Variants in PPDPFL observed in about 807,000 individuals in gnomAD.
PPDPFL encodes the protein pancreatic progenitor cell differentiation and proliferation factor-like protein.
A neutral mutation model predicts 12.6 loss-of-function variants in PPDPFL; 12 were observed. The ratio of observed to expected loss-of-function variants is 0.95; its 90% CI spans 0.61 to 1.54. PPDPFL has a LOEUF of 1.54. PPDPFL is among the 40% of genes most tolerant of loss of function. The pLI, the probability that PPDPFL is intolerant of heterozygous loss-of-function variation, is 0.00. For missense variants in PPDPFL, 114 were observed against 96.0 expected (o/e 1.19, Z -0.78); for synonymous variants, 24 against 32.7 (o/e 0.73, Z 0.91).
upstream of PPDPFL, among the ~76,000 whole-genome samples, chr8:49,069,157 T>C (rs1267219091): frequency 6.6e-6 from 1 of 152,196 alleles, no homozygotes; most frequent in Non-Finnish European, 1.5e-5. Flanking sequence ...GACAATATTA[T>C]AATCGTGATT....
At chr8:49,068,643 G>A (rs1241276047), upstream of PPDPFL, among the ~76,000 whole-genome samples, 1 of 152,168 alleles carries the variant, frequency 6.6e-6, no homozygotes, top group Non-Finnish European at 1.5e-5. Context: ...ACATATGTAT[G>A]TATTTGTGTG....
intron 1 of PPDPFL, among the ~76,000 whole-genome samples, chr8:49,062,370 G>A (rs1358143134): frequency 6.6e-6 from 1 of 152,170 alleles, no homozygotes; most frequent in African/African-American, 2.4e-5. Flanking sequence ...AGAAATTCCT[G>A]AATTACTACA....
intron 1 of PPDPFL, among the ~76,000 whole-genome samples, chr8:49,061,925 C>T (rs892100552): frequency 3.9e-5 from 6 of 152,142 alleles, no homozygotes; most frequent in African/African-American, 1.4e-4. Context: ...ACAAGATTGT[C>T]CCAAACCTTC....
chr8:49,054,601 T>C (rs981732469), intron 1 of PPDPFL, among the ~76,000 whole-genome samples: 1 of 152,082 alleles, frequency 6.6e-6, no homozygotes, highest in Non-Finnish European at 1.5e-5. Flanking sequence ...ATATTTCACA[T>C]TGTTAACCTT....
chr8:49,057,328 A>G (rs1198538549), intron 1 of PPDPFL, among the ~76,000 whole-genome samples: 1 of 152,138 alleles, frequency 6.6e-6, no homozygotes, highest in East Asian at 1.9e-4. Context: ...TTTTCCTCCT[A>G]ATAAGCCATA....
At chr8:49,075,003 T>C in intron 4 of PPDPFL, 149 bp from the exon 5 acceptor site, 2 of 1,386,846 alleles carry the variant, frequency 1.4e-6, no homozygotes, top group Non-Finnish European at 1.9e-6. Context: ...TTAGAATCAT[T>C]ATTTAAAGTA....
chr8:49,070,571 G>A (rs184221844), upstream of PPDPFL, among the ~76,000 whole-genome samples: 4 of 152,208 alleles, frequency 2.6e-5, no homozygotes, highest in Admixed American at 2.6e-4. Flanking sequence ...CAAGAGACAA[G>A]AGAGGATTAA....
chr8:49,056,044 CT>C lies in PPDPFL; in HGVS notation c.-45+1679del, dbSNP rs373334049. Among the ~76,000 whole-genome samples, 346 of 152,246 alleles carry C rather than the reference CT, an allele frequency of 2.3e-3. 1 individual carries two copies. Among genetic ancestry groups the C allele is most frequent in the African/African-American group, 7.7e-3 (320 of 41,546 alleles). On this transcript the variant is annotated intron_variant, in intron 1 of 4. Coordinates refer to the PPDPFL transcript ENST00000517663. Reference sequence around the variant, plus strand: ...TATTCCACAGAACAGCTAGAAACATCTTTTAACCATGAAAACCAGATTGTCA... The same window carrying C: ...TATTCCACAGAACAGCTAGAAACATCTTTAACCATGAAAACCAGATTGTCA...
At chr8:49,061,595 G>A (rs999828866) in intron 1 of PPDPFL, among the ~76,000 whole-genome samples, 6 of 152,108 alleles carry the variant, frequency 3.9e-5, no homozygotes, top group African/African-American at 1.2e-4. Context: ...GAGGGTCTGG[G>A]GAAACAGCAA....
chr8:49,074,015 G>T (rs759169319), intron 2 of PPDPFL, 44 bp from the exon 3 acceptor site: 10 of 1,311,860 alleles, frequency 7.6e-6, no homozygotes, highest in Non-Finnish European at 8.8e-6. Context: ...TTGCTTGTCT[G>T]GTTGCCAGTT....
chr8:49,064,535 G>GCTTGGCAGTGCCGCCCAGGTT (rs1808263188), intron 1 of PPDPFL, among the ~76,000 whole-genome samples: 1 of 152,078 alleles, frequency 6.6e-6, no homozygotes, highest in African/African-American at 2.4e-5. Flanking sequence ...AGGATGTGGG[G>GCTTGGCAGTGCCGCCCAGGTT]CCTGGCAGTG....
intron 1 of PPDPFL, among the ~76,000 whole-genome samples, chr8:49,054,564 T>A (rs1808083977): frequency 6.6e-6 from 1 of 152,122 alleles, no homozygotes; most frequent in South Asian, 2.1e-4. Flanking sequence ...CAAAGTTGTA[T>A]GTGGATTTTC....
chr8:49,063,012 G>T (rs538465261), intron 1 of PPDPFL, among the ~76,000 whole-genome samples: 1 of 152,134 alleles, frequency 6.6e-6, no homozygotes, highest in Non-Finnish European at 1.5e-5. Flanking sequence ...GGACCTAAGG[G>T]TTGTTCATGC....
At chr8:49,060,138 C>A (rs1268984781) in intron 1 of PPDPFL, among the ~76,000 whole-genome samples, 1 of 152,064 alleles carries the variant, frequency 6.6e-6, no homozygotes, top group Non-Finnish European at 1.5e-5. Flanking sequence ...TAAAGCTATT[C>A]TTTTTTGTAT....
chr8:49,072,632 A>C, intron 1 of PPDPFL, 150 bp downstream of exon 1: 1 of 468,010 alleles, frequency 2.1e-6, no homozygotes, highest in Admixed American at 4.2e-5. Context: ...TTATTGCAGT[A>C]TATTTGGTTG....
intron 1 of PPDPFL, among the ~76,000 whole-genome samples, chr8:49,056,651 T>C (rs1808116752): frequency 6.6e-6 from 1 of 152,174 alleles, no homozygotes; most frequent in South Asian, 2.1e-4. Context: ...CCAACGGGCA[T>C]TGAGAATTTA....
chr8:49,069,827 CAG>C (rs1808351105), upstream of PPDPFL, among the ~76,000 whole-genome samples: 2 of 152,110 alleles, frequency 1.3e-5, no homozygotes, highest in South Asian at 4.1e-4. Context: ...CCCAGCTACT[CAG>C]GAGGCTGAGG....
In PPDPFL at chr8:49,075,146, AC is replaced by A; in HGVS notation, c.234-3del. ...CTCCTCTCTGACTACTATAAAATCA[AC>A]CCAGATTACAGATGAGCACTTTGTA... On this transcript the variant is annotated splice_polypyrimidine_tract_variant and splice_region_variant and intron_variant, in intron 4 of 4. Transcript: ENST00000522267. 1 of 1,613,296 alleles carries A rather than the reference AC, an allele frequency of 6.2e-7. No homozygotes were observed. Among genetic ancestry groups the A allele is most frequent in the Non-Finnish European group, 8.5e-7 (1 of 1,179,492 alleles).
chr8:49,063,425 GA>G (rs1288133040), intron 1 of PPDPFL, among the ~76,000 whole-genome samples: 3 of 152,090 alleles, frequency 2.0e-5, no homozygotes, highest in Non-Finnish European at 4.4e-5. Flanking sequence ...TACTTTTAAA[GA>G]TATAAAGAAT....
Sources: gnomAD v4.1 joint callset for allele counts (sites outside exome capture counted in the v4.1 genomes callset) on GRCh38, gnomAD v4.1.1 for gene constraint, MANE v1.5 for transcripts, NCBI Gene and HGNC (gene_info 2026-07-23, HGNC 2026-07-21) for gene names.